SLC38A8: variants seen among roughly 807,000 people sequenced by gnomAD.
SLC38A8 encodes the protein solute carrier family 38 member 8.
In SLC38A8, 65 loss-of-function variants were observed where a neutral mutation model predicts 46.0. That is an observed-to-expected ratio of 1.41 (90% confidence interval 1.16 to 1.74). The LOEUF (loss-of-function observed/expected upper bound fraction) is 1.74, where lower values mean the gene tolerates loss of function less well. SLC38A8 is among the 40% of genes most tolerant of loss of function. SLC38A8 has a pLI of 0.00. For missense variants in SLC38A8, 998 were observed against 567.9 expected, an observed-to-expected ratio of 1.76 and a Z score of -7.70; for synonymous variants, 447 against 243.7, an observed-to-expected ratio of 1.83 and a Z score of -7.77.
At chr16:84,017,346 C>A in intron 7 of SLC38A8, 59 bp from the exon 8 acceptor site, 2 of 1,588,976 alleles carry the variant, frequency 1.3e-6, no homozygotes, top group South Asian at 1.1e-5. Context: ...GCCCCCTCCC[C>A]CACCAACAGA....
At chr16:84,015,120 G>A (rs950063487) in intron 9 of SLC38A8, among the ~76,000 whole-genome samples, 17 of 152,204 alleles carry the variant, frequency 1.1e-4, no homozygotes, top group East Asian at 3.9e-4. Flanking sequence ...GGTTCCAGTC[G>A]CGGCTGAATC....
chr16:84,028,826 G>T (rs893462201), intron 6 of SLC38A8, among the ~76,000 whole-genome samples: 1 of 151,984 alleles, frequency 6.6e-6, no homozygotes, highest in Non-Finnish European at 1.5e-5. Context: ...TCTACCTGGG[G>T]TGCGCTTCCA....
rs767365139 is a variant in SLC38A8 at position 84,042,021 on chromosome 16, G to C, written c.137C>G (p.Pro46Arg). Residue 46 changes from proline to arginine, a missense_variant, in exon 2 of 11, where the codon CCC becomes CGC. Physicochemically the swap from Pro to Arg is moderately radical, Grantham distance 103. Transcript: ENST00000299709. ...SALGAGLLNFPWAFSKAGGVV... is the reference protein window; with the variant it reads ...SALGAGLLNFRWAFSKAGGVV... ...TCCGCCCGCTTTGGAGAAGGCCCAGGGGAAGTTGAGCAGGCCAGCTCCCAG... is the reference window on the plus strand; with the variant it reads ...TCCGCCCGCTTTGGAGAAGGCCCAGCGGAAGTTGAGCAGGCCAGCTCCCAG... The C allele has an allele frequency of 1.9e-6, 3 of 1,613,342 alleles. No individual in the cohort carries two copies. The highest frequency in any genetic ancestry group is 1.3e-5 in the African/African-American group (1 of 74,906).
At chr16:84,013,706 G>A (rs974435754) in intron 9 of SLC38A8, among the ~76,000 whole-genome samples, 22 of 151,196 alleles carry the variant, frequency 1.5e-4, no homozygotes, top group African/African-American at 4.1e-4. Context: ...TGGGATTACA[G>A]GCATGAGCCA....
intron 9 of SLC38A8, among the ~76,000 whole-genome samples, chr16:84,014,873 G>GC (rs899253828): frequency 1.8e-4 from 27 of 151,748 alleles, no homozygotes; most frequent in African/African-American, 3.1e-4. Flanking sequence ...TTCTTCCATC[G>GC]CCCCCCCACC....
At chr16:84,026,907 T>A (rs1428982570) in intron 6 of SLC38A8, among the ~76,000 whole-genome samples, 3 of 152,128 alleles carry the variant, frequency 2.0e-5, no homozygotes, top group African/African-American at 7.2e-5. Context: ...CTGACGGCGA[T>A]GGGTTTCTTC....
intron 9 of SLC38A8, among the ~76,000 whole-genome samples, chr16:84,013,499 C>T (rs1260298193): frequency 7.4e-6 from 1 of 134,282 alleles, no homozygotes; most frequent in Non-Finnish European, 1.5e-5. Context: ...GGCACCATCT[C>T]GGCTCACTGC....
chr16:84,033,291 G>T (rs367694923), intron 4 of SLC38A8, 37 bp downstream of exon 4: 4 of 1,613,346 alleles, frequency 2.5e-6, no homozygotes, highest in Non-Finnish European at 1.7e-6. Context: ...CACTCAGCAA[G>T]GTGGGGGCCC....
chr16:84,017,657 G>C (rs1008555882), intron 7 of SLC38A8, among the ~76,000 whole-genome samples: 1 of 152,198 alleles, frequency 6.6e-6, no homozygotes, highest in African/African-American at 2.4e-5. Flanking sequence ...AGCTAGCTGT[G>C]CACACATTTC....
At chr16:84,027,260 G>C (rs1009923625) in intron 6 of SLC38A8, among the ~76,000 whole-genome samples, 1 of 152,208 alleles carries the variant, frequency 6.6e-6, no homozygotes, top group Non-Finnish European at 1.5e-5. Context: ...TGAGGCAGGA[G>C]AATCGCTTGA....
intron 4 of SLC38A8, 138 bp downstream of exon 4, chr16:84,033,190 T>C: frequency 8.7e-7 from 1 of 1,146,940 alleles, no homozygotes; most frequent in Non-Finnish European, 1.3e-6. Flanking sequence ...ATTTTACTTG[T>C]ATAATTTTTT....
intron 2 of SLC38A8, among the ~76,000 whole-genome samples, chr16:84,040,365 C>T (rs980810253): frequency 1.3e-5 from 2 of 152,214 alleles, no homozygotes; most frequent in East Asian, 3.9e-4. Context: ...GGATCTGGAG[C>T]TCATCCTAAG....
chr16:84,033,459 G>T lies in SLC38A8; in HGVS notation c.399C>A (p.Ser133=). 1.2e-6 allele frequency: 2 copies of T among 1,605,590 alleles called. No individual in the cohort carries two copies. The highest frequency in any genetic ancestry group is 1.7e-6 in the Non-Finnish European group (2 of 1,176,264). ...IGDQLEKLCD[S]LLSGTPPAPQ... ...GGGCGGGCGGGGTGCCAGACAGGAG[G>T]GAGTCACACACTGCCAGAGACACGG... is the stretch of plus-strand genomic sequence containing the variant. Residue 133 remains serine (S), a synonymous_variant, in exon 4 of 11, where the codon TCC becomes TCA. Transcript: ENST00000299709.
chr16:84,035,106 C>T lies in SLC38A8; in HGVS notation c.388+1596G>A, dbSNP rs557749163. 2.6e-4 allele frequency among the ~76,000 whole-genome samples: 39 copies of T among 152,328 alleles called. 1 individual carries two copies. Among genetic ancestry groups the T allele is most frequent in the Non-Finnish European group, 2.2e-4 (15 of 68,040 alleles). ...GTCAATCAACCCAGACCTGGGGTGG[C>T]CCGTATCCTCATCCGTCCTCTGACT... On this transcript the variant is annotated intron_variant, in intron 3 of 10. Coordinates refer to ENST00000299709, the MANE Select transcript of SLC38A8 (RefSeq NM_001080442.3).
chr16:84,016,480 G>GCCT (rs1220597666), intron 9 of SLC38A8, 39 bp downstream of exon 9: 1 of 1,604,104 alleles, frequency 6.2e-7, no homozygotes, highest in East Asian at 2.2e-5. Context: ...GAGCAGGGAA[G>GCCT]AACAAGTGGG....
intron 9 of SLC38A8, among the ~76,000 whole-genome samples, chr16:84,013,682 G>A (rs1329562655): frequency 6.6e-6 from 1 of 151,408 alleles, no homozygotes; most frequent in Non-Finnish European, 1.5e-5. Context: ...GCCCGCCTTG[G>A]CCTCCCAAAG....
At chr16:84,034,222 G>A (rs909835020) in intron 3 of SLC38A8, among the ~76,000 whole-genome samples, 2 of 152,220 alleles carry the variant, frequency 1.3e-5, no homozygotes, top group African/African-American at 4.8e-5. Context: ...GGCAGAAGCT[G>A]CCTGTCCTCT....
Position 84,016,595 on chromosome 16 carries a change from C to G in SLC38A8, c.1086G>C (p.Ala362=). The change falls in exon 9 of 11, where the codon GCG becomes GCC. Residue 362 remains alanine, a synonymous_variant. Coordinates refer to ENST00000299709, the MANE Select transcript of SLC38A8 (RefSeq NM_001080442.3). The part of the protein sequence containing the change: ...ILWVTVTLAM[A]LFMPDLSEIV... ...TCTCGCTGAGGTCAGGCATAAACAG[C>G]GCCATGGCGAGCGTCACGGTGACCC... 6.2e-7 allele frequency: 1 copy of G among 1,614,018 alleles called. No homozygotes were observed. The highest frequency in any genetic ancestry group is 8.5e-7 in the Non-Finnish European group (1 of 1,180,038).
Position 84,022,822 on chromosome 16 carries a change from A to T in SLC38A8, c.758T>A (p.Val253Glu). The part of the protein sequence containing the change: ...RKRSLSHWAL[V>E]SVLSLLACCL... The stretch of plus-strand genomic sequence containing the variant: ...GCAGGCCAGCAAGGACAGCACAGAC[A>T]CCAGGGCCCAGTGGGAGAGGCTCCG... The change falls in exon 7 of 11, where the codon GTG (valine) becomes GAG (glutamate). Residue 253 changes from valine to glutamate, a missense_variant. Coordinates refer to ENST00000299709, the MANE Select transcript of SLC38A8 (RefSeq NM_001080442.3). The T allele has an allele frequency of 6.2e-7, 1 of 1,613,600 alleles. No individual in the cohort carries two copies. The highest frequency in any genetic ancestry group is 1.3e-5 in the African/African-American group (1 of 74,988).
Sources: allele counts gnomAD v4.1 joint callset (sites outside exome capture counted in the v4.1 genomes callset), GRCh38; gene constraint gnomAD v4.1.1; transcripts MANE v1.5; gene names NCBI Gene and HGNC (gene_info 2026-07-23, HGNC 2026-07-21).